Variants in CNBD1 observed in about 807,000 individuals in gnomAD.
CNBD1 encodes cyclic nucleotide binding domain containing 1.
In CNBD1, 71 loss-of-function variants were observed where a neutral mutation model predicts 54.4. The observed-to-expected ratio is 1.30, with a 90% confidence interval of 1.08 to 1.59. CNBD1 has a LOEUF of 1.59. Among genes scored for constraint, CNBD1 ranks in the 40% most tolerant of loss-of-function variants. The probability of loss-of-function intolerance (pLI) is 0.00; values close to 1 mark genes in which losing one functional copy is unlikely to be tolerated. For missense variants in CNBD1, 659 were observed against 518.0 expected, an observed-to-expected ratio of 1.27 and a Z score of -2.64; for synonymous variants, 182 against 170.7, an observed-to-expected ratio of 1.07 and a Z score of -0.51.
chr8:87,295,915 T>C (rs897551113), intron 8 of CNBD1, among the ~76,000 whole-genome samples: 1 of 152,146 alleles, frequency 6.6e-6, no homozygotes, highest in Non-Finnish European at 1.5e-5. Context: ...TTCATTTTAA[T>C]AAAAGTAATT....
chr8:87,291,283 ATGT>A (rs1226561129), intron 8 of CNBD1, among the ~76,000 whole-genome samples: 3 of 152,062 alleles, frequency 2.0e-5, no homozygotes, highest in Non-Finnish European at 2.9e-5. Context: ...GCTTTTACAC[ATGT>A]TGTTCCTTCT....
intron 4 of CNBD1, among the ~76,000 whole-genome samples, chr8:87,200,480 C>A (rs183189199): frequency 1.3e-5 from 2 of 151,892 alleles, no homozygotes; most frequent in Non-Finnish European, 2.9e-5. Flanking sequence ...ACAATTAGTT[C>A]TTTAAAAAGA....
At chr8:87,164,596 G>GT (rs1256364243) in intron 4 of CNBD1, among the ~76,000 whole-genome samples, 2 of 151,460 alleles carry the variant, frequency 1.3e-5, no homozygotes, top group African/African-American at 4.8e-5. Context: ...GTTTACAGTA[G>GT]TTTTTTTATG....
intron 4 of CNBD1, among the ~76,000 whole-genome samples, chr8:86,969,059 A>G (rs1808159392): frequency 6.6e-6 from 1 of 152,166 alleles, no homozygotes; most frequent in African/African-American, 2.4e-5. Flanking sequence ...AATGGGAGAC[A>G]GTTTTGTGTG....
chr8:86,880,426 T>G lies in CNBD1; in HGVS notation c.89-7116T>G, dbSNP rs190425797. ...CTATTTAAATAGGATTTATATTGTA[T>G]TAGGTATTAAAAGTGATCTAGAGAA... On this transcript the variant is annotated intron_variant, in intron 1 of 10. Transcript: ENST00000518476. Among the ~76,000 whole-genome samples the G allele has an allele frequency of 3.0e-3, 456 of 152,270 alleles. 4 individuals are homozygous for G. Among genetic ancestry groups the G allele is most frequent in the African/African-American group, 0.01 (431 of 41,558 alleles).
At chr8:87,405,501 A>G (rs1219431182) in intron 2 of CNBD1, among the ~76,000 whole-genome samples, 1 of 152,088 alleles carries the variant, frequency 6.6e-6, no homozygotes, top group Non-Finnish European at 1.5e-5. Context: ...GATCACACAT[A>G]TTTACAGCAT....
chr8:87,090,403 T>A (rs1811181919), intron 4 of CNBD1, among the ~76,000 whole-genome samples: 1 of 152,208 alleles, frequency 6.6e-6, no homozygotes, highest in African/African-American at 2.4e-5. Context: ...CCTATGATGA[T>A]GAGGAAGTGA....
chr8:87,366,417 C>A (rs1203743491), intron 10 of CNBD1, among the ~76,000 whole-genome samples: 4 of 152,190 alleles, frequency 2.6e-5, no homozygotes, highest in East Asian at 3.9e-4. Context: ...CTGGCCCTCT[C>A]CATCTCAGCA....
At chr8:87,319,886 T>C (rs1341979853) in intron 8 of CNBD1, among the ~76,000 whole-genome samples, 1 of 152,064 alleles carries the variant, frequency 6.6e-6, no homozygotes, top group Non-Finnish European at 1.5e-5. Context: ...TTGATACCCT[T>C]GCATTGGATT....
Position 87,001,635 on chromosome 8 carries a change from C to T in CNBD1, c.431+61881C>T, listed in dbSNP as rs1808995440. Among the ~76,000 whole-genome samples, 4 of 152,160 alleles carry T rather than the reference C, an allele frequency of 2.6e-5. No homozygotes were observed. The South Asian group carries it at 8.3e-4, about 32-fold the overall frequency. ...TGTTTATTTAATTAATTCAATCATT[C>T]ATTTCTGTAATCACTCATTTTTTCA... On this transcript the variant is annotated intron_variant, in intron 4 of 10. Coordinates refer to ENST00000518476, the MANE Select transcript of CNBD1 (RefSeq NM_173538.3).
At chr8:87,173,245 T>A (rs1813126273) in intron 4 of CNBD1, among the ~76,000 whole-genome samples, 1 of 152,324 alleles carries the variant, frequency 6.6e-6, no homozygotes, top group Admixed American at 6.5e-5. Context: ...AATGTCTATG[T>A]CTTGAGAAGT....
intron 4 of CNBD1, among the ~76,000 whole-genome samples, chr8:86,974,508 A>G (rs1808297194): frequency 1.3e-5 from 2 of 152,078 alleles, no homozygotes; most frequent in Admixed American, 1.3e-4. Flanking sequence ...ATAAATTGCT[A>G]TTCACAATAG....
intron 8 of CNBD1, among the ~76,000 whole-genome samples, chr8:87,287,940 TTA>T (rs1341190442): frequency 6.6e-6 from 1 of 152,154 alleles, no homozygotes; most frequent in Non-Finnish European, 1.5e-5. Context: ...ATTTGTAATA[TTA>T]TGTTTTTGTT....
chr8:87,270,160 A>G (rs764342625), intron 6 of CNBD1, among the ~76,000 whole-genome samples: 2 of 152,002 alleles, frequency 1.3e-5, no homozygotes, highest in Non-Finnish European at 2.9e-5. Context: ...AATAAAAACC[A>G]CATGATCATC....
chr8:87,046,853 G>T (rs552511455), intron 4 of CNBD1, among the ~76,000 whole-genome samples: 1 of 152,010 alleles, frequency 6.6e-6, no homozygotes, highest in Non-Finnish European at 1.5e-5. Flanking sequence ...TCTCCTTTTC[G>T]CCCACTAGTG....
At chr8:87,361,987 A>T (rs1182853492) in intron 10 of CNBD1, among the ~76,000 whole-genome samples, 1 of 152,046 alleles carries the variant, frequency 6.6e-6, no homozygotes, top group Non-Finnish European at 1.5e-5. Flanking sequence ...AACACTTTTA[A>T]TTCCACTATC....
intron 2 of CNBD1, among the ~76,000 whole-genome samples, chr8:87,427,188 AAG>A (rs1808065073): frequency 2.6e-5 from 4 of 152,058 alleles, no homozygotes; most frequent in Non-Finnish European, 5.9e-5. Context: ...GCCATACCCT[AAG>A]AGTCTGCTAC....
chr8:87,005,751 G>A (rs2130552070), intron 4 of CNBD1, among the ~76,000 whole-genome samples: 1 of 152,106 alleles, frequency 6.6e-6, no homozygotes, highest in East Asian at 1.9e-4. Flanking sequence ...TAAGTTCTGA[G>A]GTGAGCTACT....
At chr8:87,188,918 G>A (rs1227222426) in intron 4 of CNBD1, among the ~76,000 whole-genome samples, 1 of 141,900 alleles carries the variant, frequency 7.0e-6, no homozygotes, top group African/African-American at 2.6e-5. Flanking sequence ...GTAAACTTTT[G>A]AGCACAAGAA....
Sources: allele counts gnomAD v4.1 joint callset (sites outside exome capture counted in the v4.1 genomes callset), GRCh38; gene constraint gnomAD v4.1.1; transcripts MANE v1.5; gene names NCBI Gene and HGNC (gene_info 2026-07-23, HGNC 2026-07-21).